The following PLEKHG5 variants were observed in gnomAD, a reference collection of about 807,000 sequenced individuals.
The protein encoded by PLEKHG5 is pleckstrin homology and RhoGEF domain containing G5.
In PLEKHG5, 52 loss-of-function variants were observed where a neutral mutation model predicts 103.8. The ratio of observed to expected loss-of-function variants is 0.50; its 90% CI spans 0.40 to 0.63. The LOEUF (loss-of-function observed/expected upper bound fraction) is 0.63. PLEKHG5 is among the 30% of genes least tolerant of loss of function. PLEKHG5 has a pLI of 0.00. For missense variants in PLEKHG5, 1,205 were observed against 1,347.6 expected (o/e 0.89, Z 1.66); for synonymous variants, 592 against 575.5 (o/e 1.03, Z -0.41).
chr1:6,475,388 G>C, intron 4 of PLEKHG5, 74 bp downstream of exon 4: 1 of 1,335,910 alleles, frequency 7.5e-7, no homozygotes, highest in Non-Finnish European at 1.1e-6. Context: ...CCCCATCCCG[G>C]AGGAAGGCCC....
Position 6,473,037 on chromosome 1 carries a change from A to C in PLEKHG5, c.933T>G (p.Asn311Lys), listed in dbSNP as rs766096611. ...EEYDEDEDED[N>K]ACLRLEDSWR... ...AGCTGTCCTCCAGCCTCAGGCAGGC[A>C]TTGTCCTCATCCTCGTCTTCATCGT... Residue 311 changes from asparagine (N) to lysine (K), a missense_variant, in exon 9 of 21, where the codon AAT (asparagine) becomes AAG (lysine). Physicochemically the swap from Asn to Lys is moderately conservative, Grantham distance 94. Coordinates refer to ENST00000377728, the MANE Select transcript of PLEKHG5 (RefSeq NM_020631.6). The C allele has an allele frequency of 6.2e-7, 1 of 1,614,036 alleles. No individual in the cohort carries two copies.
rs532527508 is a variant in PLEKHG5 at position 6,508,661 on chromosome 1, G to T, written c.-165+10784C>A. On this transcript the variant is annotated intron_variant, in intron 1 of 21. Transcript: ENST00000377740. ...GAGCGATGCCGCTGACAAACACGGG[G>T]GTTGCTCTTGGTGCCTTCAGGGACA... 6.0e-4 allele frequency among the ~76,000 whole-genome samples: 91 copies of T among 152,372 alleles called. 2 individuals are homozygous for T. In the East Asian group the frequency reaches 0.016, roughly 27 times the overall value.
intron 1 of PLEKHG5, among the ~76,000 whole-genome samples, chr1:6,518,416 C>T (rs1423123381): frequency 6.6e-6 from 1 of 151,366 alleles, no homozygotes; most frequent in African/African-American, 2.4e-5. Flanking sequence ...CAAAATGAGC[C>T]GGGCTTGATG....
chr1:6,507,228 C>T (rs931340024), intron 1 of PLEKHG5, among the ~76,000 whole-genome samples: 4 of 152,178 alleles, frequency 2.6e-5, no homozygotes, highest in Admixed American at 6.5e-5. Flanking sequence ...GCTTTCCCTG[C>T]GTGTGTGGGC....
chr1:6,502,651 G>A (rs1358743057), intron 1 of PLEKHG5, among the ~76,000 whole-genome samples: 2 of 152,334 alleles, frequency 1.3e-5, no homozygotes, highest in Middle Eastern at 6.8e-3. Flanking sequence ...GACCAAGGGC[G>A]GAACAGGAGC....
Position 6,467,545 on chromosome 1 carries a change from T to A in PLEKHG5, c.*18A>T. ...TGCTGTCTCTTGGTCAATGGCACTC[T>A]TGGGGGCCTCCCTCTGCTCAGACCT... On this transcript the variant is annotated 3_prime_UTR_variant, in exon 21 of 21. Coordinates refer to ENST00000377728, the MANE Select transcript of PLEKHG5 (RefSeq NM_020631.6). 1 of 1,613,036 alleles carries A rather than the reference T, an allele frequency of 6.2e-7. No individual in the cohort carries two copies.
chr1:6,490,702 C>G lies in PLEKHG5; in HGVS notation c.-88+935G>C, dbSNP rs1645136616. 1.3e-5 allele frequency: 9 copies of G among 687,238 alleles called. No individual in the cohort carries two copies. The highest frequency in any genetic ancestry group is 1.6e-5 in the Non-Finnish European group (9 of 558,258). 42.6% of individuals were successfully genotyped at this position (687,238 alleles called of 1,614,324 possible). On this transcript the variant is annotated intron_variant, in intron 1 of 20. Coordinates refer to ENST00000377728, the MANE Select transcript of PLEKHG5 (RefSeq NM_020631.6). This position sits in a 1 kb window ranked among gnomAD's most constrained non-coding sequence, Gnocchi z 8.0. ...AGAGGAGGGGTCCCAGGAAGGGCCC[C>G]GCGCCGGAGCCAGGGAGGTGGCTGG...
intron 1 of PLEKHG5, among the ~76,000 whole-genome samples, chr1:6,513,046 C>G (rs934953650): frequency 1.8e-4 from 28 of 152,248 alleles, no homozygotes; most frequent in African/African-American, 6.5e-4. Context: ...GACCCTGGGG[C>G]CCCGCCCACC....
rs755699992 is a variant in PLEKHG5, at chr1:6,468,018, C to T, written c.2818G>A (p.Gly940Arg). 3.9e-6 allele frequency: 6 copies of T among 1,553,392 alleles called. No individual in the cohort carries two copies. The highest frequency in any genetic ancestry group is 5.2e-6 in the Non-Finnish European group (6 of 1,151,354). Residue 940 changes from glycine (G) to arginine (R), a missense_variant, in exon 20 of 21, where the codon GGG (glycine) becomes AGG (arginine). By Grantham distance (125) the Gly-to-Arg change is moderately radical. Transcript: ENST00000377728. ...TCCCCGGCCAGGCAGCCGACTAGCCCAGGACCGCTGCCAGGGCTAGGGGCC... is the reference window on the plus strand; with the variant it reads ...TCCCCGGCCAGGCAGCCGACTAGCCTAGGACCGCTGCCAGGGCTAGGGGCC... ...RGAPSPGSGP[G>R]LVGCLAGEPA...
At chr1:6,480,896 C>A (rs1400123613) in intron 1 of PLEKHG5, among the ~76,000 whole-genome samples, 1 of 152,120 alleles carries the variant, frequency 6.6e-6, no homozygotes, top group Non-Finnish European at 1.5e-5. Context: ...CCGCCTCAGC[C>A]TCCCAAAGTG....
In PLEKHG5 at chr1:6,473,371, G is replaced by T; in HGVS notation, c.675C>A (p.Ser225Arg). ...CACTGCTGCCGCTGGGCAGAGAGCA[G>T]CTGGAGGGCGTGGGGGGCTCCTGCC... The part of the protein sequence containing the change: ...IPGQEPPTPS[S>R]CSLPSGSSGS... Residue 225 changes from serine (S) to arginine (R), a missense_variant, in exon 8 of 21, where the codon AGC becomes AGA. Transcript: ENST00000377728. 1 of 1,549,564 alleles carries T rather than the reference G, an allele frequency of 6.5e-7. No individual in the cohort carries two copies.
At chr1:6,472,774 T>A in intron 9 of PLEKHG5, 152 bp from the exon 10 acceptor site, 1 of 751,922 alleles carries the variant, frequency 1.3e-6, no homozygotes, top group Non-Finnish European at 2.3e-6. Context: ...ACATGAGTAA[T>A]CACAGTTAAG....
rs558805326 is a variant in PLEKHG5 at position 6,478,131 on chromosome 1, G to A, written c.-87-473C>T. ...GAATTCCTGACCTCGTGAACAGCCC[G>A]CCTGGGCCTCCCAAAGTGCTGGGAT... On this transcript the variant is annotated intron_variant, in intron 1 of 20. Coordinates refer to ENST00000377728, the MANE Select transcript of PLEKHG5 (RefSeq NM_020631.6). Among the ~76,000 whole-genome samples the A allele has an allele frequency of 9.3e-4, 142 of 152,150 alleles. 2 individuals are homozygous for A. The Middle Eastern group carries it at 0.014, about 15-fold the overall frequency.
At position 6,470,556 on chromosome 1, in the gene PLEKHG5, G is replaced by T. The variant is rs1046202834; in HGVS notation, c.1630C>A (p.Arg544Ser). 19 of 1,597,312 alleles carry T rather than the reference G, an allele frequency of 1.2e-5. No individual in the cohort carries two copies. Among genetic ancestry groups the T allele is most frequent in the Non-Finnish European group, 1.4e-5 (16 of 1,177,254 alleles). The change falls in exon 15 of 21, where the codon CGC (arginine) becomes AGC (serine). Residue 544 changes from arginine to serine, a missense_variant. Transcript: ENST00000377728. ...ERQRLAAVVSRIDAYEVVESS... is the reference protein window; with the variant it reads ...ERQRLAAVVSSIDAYEVVESS... ...TCCACCACCTCGTAGGCGTCGATGC[G>T]GCTCACCACGGCCGCCAGCCGCTGC...
rs1013540448 is a variant in PLEKHG5, at chr1:6,487,928, C to G, written c.-88+3709G>C. 6.6e-6 allele frequency among the ~76,000 whole-genome samples: 1 copy of G among 152,200 alleles called. No individual in the cohort carries two copies. Among genetic ancestry groups the G allele is most frequent in the Non-Finnish European group, 1.5e-5 (1 of 68,034 alleles). The stretch of plus-strand genomic sequence containing the variant: ...CAGTGAACAGATGAAGGCAGAAGGG[C>G]CTTCATGCCACAGAAGGACATGGGG... On this transcript the variant is annotated intron_variant, in intron 1 of 20. Coordinates refer to ENST00000377728, the MANE Select transcript of PLEKHG5 (RefSeq NM_020631.6). The surrounding 1 kb of genome is among the most constrained non-coding windows in gnomAD (Gnocchi z 4.1).
At chr1:6,492,967 C>T (rs530581057), upstream of PLEKHG5, among the ~76,000 whole-genome samples, 538 of 152,020 alleles carry the variant, frequency 3.5e-3, 2 homozygotes, top group Non-Finnish European at 5.6e-3. Flanking sequence ...AATGTCCCCC[C>T]CTGCTCACTC....
At chr1:6,475,349 T>G (rs913796829) in intron 4 of PLEKHG5, 113 bp downstream of exon 4, 3 of 934,254 alleles carry the variant, frequency 3.2e-6, no homozygotes, top group Non-Finnish European at 5.3e-6. Context: ...CTCCCAGACC[T>G]CTGCACCCTG....
At chr1:6,510,645 A>G (rs1638447113) in intron 1 of PLEKHG5, among the ~76,000 whole-genome samples, 3 of 152,244 alleles carry the variant, frequency 2.0e-5, no homozygotes, top group Non-Finnish European at 4.4e-5. Flanking sequence ...AGAACCCTAC[A>G]GGGCCAATAC....
upstream of PLEKHG5, chr1:6,497,176 G>A (rs906626688): frequency 1.6e-4 from 145 of 894,158 alleles, no homozygotes; most frequent in African/African-American, 2.3e-3. The surrounding 1 kb of genome is among the most constrained non-coding windows in gnomAD (Gnocchi z 6.1). Context: ...CCCGACTTGG[G>A]GGCCGAGTTT....
Sources: gnomAD v4.1 joint callset for allele counts (sites outside exome capture counted in the v4.1 genomes callset) on GRCh38, gnomAD v4.1.1 for gene constraint, Gnocchi (gnomAD v3.1) non-coding constraint, MANE v1.5 for transcripts, NCBI Gene and HGNC (gene_info 2026-07-23, HGNC 2026-07-21) for gene names.